Variants in PAPPA observed in about 807,000 individuals in gnomAD.
PAPPA encodes pappalysin-1.
PAPPA carries 60 observed loss-of-function variants against 164.0 expected under a neutral mutation model. The observed-to-expected ratio is 0.37, with a 90% CI of 0.30 to 0.45. PAPPA has a LOEUF of 0.45. Among genes scored for constraint, PAPPA ranks in the 20% least tolerant of loss-of-function variants. The pLI, the probability that PAPPA is intolerant of heterozygous loss-of-function variation, is 1.00. For synonymous variants in PAPPA, 875 were observed against 814.1 expected, an observed-to-expected ratio of 1.07 and a Z score of -1.27; for missense variants, 1,782 against 2,087.3, an observed-to-expected ratio of 0.85 and a Z score of 2.85.
chr9:116,300,331 G>A (rs1025318330), intron 9 of PAPPA, among the ~76,000 whole-genome samples: 8 of 151,848 alleles, frequency 5.3e-5, no homozygotes, highest in Non-Finnish European at 1.0e-4. Flanking sequence ...AGGCTGGAGT[G>A]CAGTGGTGTG....
intron 9 of PAPPA, among the ~76,000 whole-genome samples, chr9:116,283,881 G>A (rs1277118153): frequency 6.7e-6 from 1 of 149,908 alleles, no homozygotes; most frequent in Non-Finnish European, 1.5e-5. Context: ...AAGGGACAGG[G>A]AGGGAGGAAA....
Position 116,156,275 on chromosome 9 carries a change from CGT to C in PAPPA, c.415+1701_415+1702del, listed in dbSNP as rs112482587. On this transcript the variant is annotated intron_variant, in intron 1 of 21. Coordinates refer to ENST00000328252, the MANE Select transcript of PAPPA (RefSeq NM_002581.5). ...CTATGTAAGTGTGTCTACATAAATA[CGT>C]GTGTGTGTGTGTATATATATATATA... is the stretch of plus-strand genomic sequence containing the variant. 1.1e-3 allele frequency among the ~76,000 whole-genome samples: 153 copies of C among 135,580 alleles called. No individual in the cohort carries two copies. The East Asian group carries it at 0.015, about 13-fold the overall frequency. 88.9% of individuals were successfully genotyped at this position (135,580 alleles called of 152,430 possible).
intron 10 of PAPPA, among the ~76,000 whole-genome samples, chr9:116,316,842 A>T: frequency 6.6e-6 from 1 of 152,180 alleles, no homozygotes; most frequent in East Asian, 1.9e-4. Context: ...CCTAGACAAG[A>T]GTACTGCCTC....
intron 1 of PAPPA, among the ~76,000 whole-genome samples, chr9:116,183,460 G>A (rs1005551086): frequency 6.6e-6 from 1 of 152,168 alleles, no homozygotes; most frequent in African/African-American, 2.4e-5. Flanking sequence ...CCCAGGCAAG[G>A]TTACCTGACA....
Position 116,187,588 on chromosome 9 carries a change from C to G in PAPPA, c.850C>G (p.Leu284Val). 2.5e-6 allele frequency: 4 copies of G among 1,614,220 alleles called. No homozygotes were observed. Among genetic ancestry groups the G allele is most frequent in the Non-Finnish European group, 3.4e-6 (4 of 1,180,036 alleles). The change falls in exon 2 of 22, where the codon CTC (leucine) becomes GTC (valine). Residue 284 changes from leucine to valine, a missense_variant. Coordinates refer to ENST00000328252, the MANE Select transcript of PAPPA (RefSeq NM_002581.5). This position sits in a 1 kb window ranked among gnomAD's most constrained non-coding sequence, Gnocchi z 4.2. Reference protein sequence around the residue: ...THGAHTALPQLLLQENWDNVK... With the variant: ...THGAHTALPQVLLQENWDNVK... Reference sequence around the variant, plus strand: ...TGGCGCCCACACTGCTCTACCTCAGCTCCTCCTCCAGGAGAACTGGGACAA... The same window carrying G: ...TGGCGCCCACACTGCTCTACCTCAGGTCCTCCTCCAGGAGAACTGGGACAA...
intron 17 of PAPPA, among the ~76,000 whole-genome samples, chr9:116,360,286 A>T (rs1348811895): frequency 1.4e-5 from 2 of 143,642 alleles, no homozygotes; most frequent in African/African-American, 5.0e-5. Flanking sequence ...GGGCTCTTTG[A>T]AGCCACATGA....
intron 5 of PAPPA, among the ~76,000 whole-genome samples, chr9:116,227,058 T>C (rs1488473175): frequency 6.6e-6 from 1 of 152,176 alleles, no homozygotes; most frequent in Non-Finnish European, 1.5e-5. Flanking sequence ...GGAGTAAACT[T>C]TGAGAACGAA....
rs780837702 is a variant in PAPPA, at chr9:116,187,745, A to G, written c.1007A>G (p.Glu336Gly). The change falls in exon 2 of 22, where the codon GAG becomes GGG. Residue 336 changes from glutamate (E) to glycine (G), a missense_variant. Physicochemically the swap from Glu to Gly is moderately conservative, Grantham distance 98. This residue lies in a region of PAPPA where 1,324 missense variants were observed against 1,656.9 expected (regional missense o/e 0.80). Transcript: ENST00000328252. This position sits in a 1 kb window ranked among gnomAD's most constrained non-coding sequence, Gnocchi z 4.2. ...LCGQTLCDNTEVIASYNQLSS... is the reference protein window; with the variant it reads ...LCGQTLCDNTGVIASYNQLSS... ...GGACAGACATTGTGTGACAACACAG[A>G]GGTCATTGCCAGCTACAATCAGCTC... 1 of 1,614,246 alleles carries G rather than the reference A, an allele frequency of 6.2e-7. No individual in the cohort carries two copies. The highest frequency in any genetic ancestry group is 8.5e-7 in the Non-Finnish European group (1 of 1,180,042).
intron 7 of PAPPA, among the ~76,000 whole-genome samples, chr9:116,243,081 T>A (rs1470483822): frequency 6.6e-6 from 1 of 152,204 alleles, no homozygotes; most frequent in Admixed American, 6.5e-5. Context: ...CTATTGCATG[T>A]CCATTAATGT....
chr9:116,391,650 T>G (rs1442698789), intron 21 of PAPPA, among the ~76,000 whole-genome samples: 1 of 152,214 alleles, frequency 6.6e-6, no homozygotes, highest in Non-Finnish European at 1.5e-5. Context: ...GGAGAACCCA[T>G]GTGCCGGAGC....
At chr9:116,256,431 T>A (rs1844928785) in intron 7 of PAPPA, among the ~76,000 whole-genome samples, 1 of 151,874 alleles carries the variant, frequency 6.6e-6, no homozygotes, top group Non-Finnish European at 1.5e-5. Context: ...GAAACATAAG[T>A]CATTATACTA....
chr9:116,386,291 C>A (rs1164915338), intron 21 of PAPPA, among the ~76,000 whole-genome samples: 1 of 152,214 alleles, frequency 6.6e-6, no homozygotes, highest in Non-Finnish European at 1.5e-5. Context: ...TTTAAGGGAA[C>A]TCCAACTTCT....
intron 10 of PAPPA, among the ~76,000 whole-genome samples, chr9:116,321,377 A>C (rs896551054): frequency 2.0e-5 from 3 of 152,170 alleles, no homozygotes; most frequent in African/African-American, 7.2e-5. Flanking sequence ...TTAATACTGA[A>C]GATAGAAAAG....
At chr9:116,171,944 A>G (rs1267638710) in intron 1 of PAPPA, among the ~76,000 whole-genome samples, 1 of 152,232 alleles carries the variant, frequency 6.6e-6, no homozygotes, top group Non-Finnish European at 1.5e-5. Flanking sequence ...CATGATAATC[A>G]TGCAGCTCTA....
At chr9:116,218,389 T>C (rs1844402104) in intron 4 of PAPPA, among the ~76,000 whole-genome samples, 1 of 152,182 alleles carries the variant, frequency 6.6e-6, no homozygotes, top group Non-Finnish European at 1.5e-5. Context: ...AGCAAGTTTA[T>C]TTTAAGATTG....
intron 6 of PAPPA, among the ~76,000 whole-genome samples, chr9:116,230,646 A>T: frequency 6.6e-6 from 1 of 152,198 alleles, no homozygotes; most frequent in East Asian, 1.9e-4. Flanking sequence ...ACAAATCTTT[A>T]TTGGAAATCT....
chr9:116,205,905 G>A (rs952830113), intron 2 of PAPPA, among the ~76,000 whole-genome samples: 3 of 152,090 alleles, frequency 2.0e-5, no homozygotes, highest in Admixed American at 6.6e-5. Context: ...TCAAAACCTA[G>A]GGCTGTAGCT....
At position 116,188,068 on chromosome 9, in the gene PAPPA, C is replaced by A; in HGVS notation, c.1330C>A (p.Arg444Ser). 1 of 1,614,174 alleles carries A rather than the reference C, an allele frequency of 6.2e-7. No homozygotes were observed. Among genetic ancestry groups the A allele is most frequent in the Non-Finnish European group, 8.5e-7 (1 of 1,180,030 alleles). ...GHDGGDCRHL[R>S]HPAFVKKQHN... The stretch of plus-strand genomic sequence containing the variant: ...CGACGGCGGGGATTGCCGCCACCTG[C>A]GCCACCCTGCCTTCGTGAAGAAGCA... Residue 444 changes from arginine to serine, a missense_variant, in exon 2 of 22, where the codon CGC (arginine) becomes AGC (serine). Transcript: ENST00000328252.
intron 11 of PAPPA, among the ~76,000 whole-genome samples, chr9:116,331,790 G>A (rs952981399): frequency 2.0e-5 from 3 of 152,112 alleles, no homozygotes; most frequent in Non-Finnish European, 4.4e-5. Flanking sequence ...GGATATTACT[G>A]CATTTTGGCT....
Sources: gnomAD v4.1 joint callset for allele counts (sites outside exome capture counted in the v4.1 genomes callset) on GRCh38, gnomAD v4.1.1 for gene constraint, gnomAD v4.1.1 regional missense constraint, Gnocchi (gnomAD v3.1) non-coding constraint, MANE v1.5 for transcripts, NCBI Gene and HGNC (gene_info 2026-07-23, HGNC 2026-07-21) for gene names.